The following CLK4 variants were observed in gnomAD, a reference collection of about 807,000 sequenced individuals.
CLK4 encodes the protein dual specificity protein kinase CLK4.
In CLK4, 37 loss-of-function variants were observed where a neutral mutation model predicts 64.4. The ratio of observed to expected loss-of-function variants is 0.57; its 90% CI spans 0.44 to 0.76. The LOEUF (loss-of-function observed/expected upper bound fraction) is 0.76, where lower values mean the gene tolerates loss of function less well. Among genes scored for constraint, CLK4 ranks in the 30% least tolerant of loss-of-function variants. The pLI is 0.00. For missense variants in CLK4, 457 were observed against 605.1 expected, an observed-to-expected ratio of 0.76 and a Z score of 2.57; for synonymous variants, 175 against 191.6, an observed-to-expected ratio of 0.91 and a Z score of 0.72.
chr5:178,613,691 G>T, intron 6 of CLK4, 36 bp downstream of exon 6: 3 of 1,605,260 alleles, frequency 1.9e-6, no homozygotes, highest in Non-Finnish European at 2.6e-6. Context: ...AATATTTCAT[G>T]TAATATGATG....
chr5:178,626,097 A>G (rs1372528725), intron 1 of CLK4, among the ~76,000 whole-genome samples: 1 of 152,220 alleles, frequency 6.6e-6, no homozygotes, highest in East Asian at 1.9e-4. Context: ...CATGGCTTAA[A>G]AACATCGAAA....
intron 9 of CLK4, among the ~76,000 whole-genome samples, 181 bp from the exon 10 acceptor site, chr5:178,608,639 T>G (rs958378998): frequency 6.6e-6 from 1 of 152,214 alleles, no homozygotes; most frequent in Admixed American, 6.5e-5. Flanking sequence ...ATAGTCCATA[T>G]GCTCACATCA....
intron 5 of CLK4, among the ~76,000 whole-genome samples, chr5:178,616,426 G>A (rs1764627840): frequency 6.6e-6 from 1 of 152,074 alleles, no homozygotes; most frequent in African/African-American, 2.4e-5. Context: ...CACATTCACG[G>A]TAAATAAATC....
intron 1 of CLK4, among the ~76,000 whole-genome samples, chr5:178,626,273 T>A (rs1764778192): frequency 1.3e-5 from 2 of 152,274 alleles, no homozygotes; most frequent in Non-Finnish European, 2.9e-5. Context: ...CGGATAAGCC[T>A]ATCTGGACTA....
chr5:178,608,729 T>C (rs1284401424), intron 9 of CLK4, among the ~76,000 whole-genome samples: 2 of 152,198 alleles, frequency 1.3e-5, no homozygotes, highest in Non-Finnish European at 2.9e-5. Flanking sequence ...ATACAACCAA[T>C]TCGTGCAAAT....
At chr5:178,606,586 C>A (rs1178072016) in intron 10 of CLK4, among the ~76,000 whole-genome samples, 1 of 152,248 alleles carries the variant, frequency 6.6e-6, no homozygotes, top group East Asian at 1.9e-4. Flanking sequence ...CCCTCTTCCC[C>A]AAACAAAACA....
At chr5:178,625,436 AAAAAAAAAAG>A (rs1304479958) in intron 1 of CLK4, among the ~76,000 whole-genome samples, 5 of 151,934 alleles carry the variant, frequency 3.3e-5, no homozygotes, top group African/African-American at 1.2e-4. Flanking sequence ...AAAAAAAAAA[AAAAAAAAAAG>A]AAAATGTGTA....
At chr5:178,612,670 A>T (rs1443926478) in intron 8 of CLK4, 125 bp from the exon 9 acceptor site, 23 of 1,170,466 alleles carry the variant, frequency 2.0e-5, no homozygotes, top group Non-Finnish European at 2.7e-5. Context: ...GCAAAGAAGG[A>T]TTACTTCTTT....
At chr5:178,626,024 A>G (rs1202748927) in intron 1 of CLK4, among the ~76,000 whole-genome samples, 1 of 152,182 alleles carries the variant, frequency 6.6e-6, no homozygotes, top group African/African-American at 2.4e-5. Flanking sequence ...AATGGATCTC[A>G]TATGTAGATC....
chr5:178,605,582 T>A (rs556387948), intron 10 of CLK4, among the ~76,000 whole-genome samples, 200 bp from the exon 11 acceptor site: 4 of 152,324 alleles, frequency 2.6e-5, no homozygotes, highest in Admixed American at 1.3e-4. Context: ...ACCCAATGAA[T>A]AGTTCACTTG....
rs1044010644 is a variant in CLK4, at chr5:178,610,929, C to T, written c.1051+1487G>A. ...TCTACTAAAAACTATAAAAATTAGC[C>T]GGGTGTGGTGGTGGGCACCTGTAAT... On this transcript the variant is annotated intron_variant, in intron 9 of 12. Coordinates refer to ENST00000316308, the MANE Select transcript of CLK4 (RefSeq NM_020666.3). 1.5e-4 allele frequency among the ~76,000 whole-genome samples: 23 copies of T among 151,772 alleles called. No individual in the cohort carries two copies. The South Asian group carries it at 1.7e-3, about 11-fold the overall frequency.
chr5:178,603,998 C>A, intron 11 of CLK4, 64 bp from the exon 12 acceptor site: 2 of 1,203,938 alleles, frequency 1.7e-6, no homozygotes, highest in East Asian at 2.3e-5. Context: ...TACCCTGCAC[C>A]CATGAGGGGA....
At chr5:178,620,684 T>TAA in intron 2 of CLK4, 5 of 359,396 alleles carry the variant, frequency 1.4e-5, no homozygotes, top group Non-Finnish European at 2.2e-5. Context: ...CTGTGGGAGA[T>TAA]AAAAAAAAAA....
Position 178,617,032 on chromosome 5 carries a change from T to C in CLK4, c.476-84A>G. Reference sequence around the variant, plus strand: ...AAACAATGAATGCTTAAGTGTGGAATATTTTCAAATGATCTCTAACAAAGC... The same window carrying C: ...AAACAATGAATGCTTAAGTGTGGAACATTTTCAAATGATCTCTAACAAAGC... On this transcript the variant is annotated intron_variant, in intron 4 of 12. Transcript: ENST00000316308. The surrounding 1 kb of genome is among the most constrained non-coding windows in gnomAD (Gnocchi z 5.2). 1.1e-6 allele frequency: 1 copy of C among 915,856 alleles called. No individual in the cohort carries two copies. Among genetic ancestry groups the C allele is most frequent in the East Asian group, 2.5e-5 (1 of 40,548 alleles). 56.7% of individuals were successfully genotyped at this position (915,856 alleles called of 1,614,324 possible).
chr5:178,623,051 G>A, intron 2 of CLK4: 1 of 525,192 alleles, frequency 1.9e-6, no homozygotes, highest in Non-Finnish European at 3.3e-6. Flanking sequence ...CTCCCAGGCA[G>A]ACAGACATAC....
At chr5:178,625,087 G>T (rs987108830) in intron 1 of CLK4, among the ~76,000 whole-genome samples, 2 of 152,072 alleles carry the variant, frequency 1.3e-5, no homozygotes, top group Admixed American at 6.6e-5. Flanking sequence ...GATACAAATG[G>T]AGTCACTTCC....
At chr5:178,618,865 A>C (rs1372164319) in intron 2 of CLK4, 87 bp from the exon 3 acceptor site, 1 of 1,025,014 alleles carries the variant, frequency 9.8e-7, no homozygotes, top group African/African-American at 1.6e-5. Context: ...AAATTCTTAA[A>C]CAGCTAACTC....
intron 5 of CLK4, among the ~76,000 whole-genome samples, chr5:178,616,476 C>A (rs1051563949): frequency 5.3e-5 from 8 of 152,088 alleles, no homozygotes; most frequent in Non-Finnish European, 1.2e-4. Flanking sequence ...ATTTACCCCC[C>A]AAAACACGTG....
At chr5:178,619,631 C>T (rs1764676836) in intron 2 of CLK4, 2 of 323,874 alleles carry the variant, frequency 6.2e-6, no homozygotes, top group African/African-American at 2.1e-5. Flanking sequence ...TCATCTAGTG[C>T]CATCGTGCTT....
Sources: gnomAD v4.1 joint callset for allele counts (sites outside exome capture counted in the v4.1 genomes callset) on GRCh38, gnomAD v4.1.1 for gene constraint, Gnocchi (gnomAD v3.1) non-coding constraint, MANE v1.5 for transcripts, NCBI Gene and HGNC (gene_info 2026-07-23, HGNC 2026-07-21) for gene names.